The following THRB variants were observed in gnomAD, a reference collection of about 807,000 sequenced individuals.
THRB encodes thyroid hormone receptor beta, also known as nuclear receptor subfamily 1 group A member 2.
Under a neutral mutation model 47.8 loss-of-function variants are expected in THRB, and 12 were observed. The observed-to-expected ratio is 0.25, with a 90% CI of 0.16 to 0.41. THRB has a LOEUF of 0.41. THRB is among the 10% of genes least tolerant of loss of function. The probability of loss-of-function intolerance (pLI) is 1.00; values close to 1 mark genes in which losing one functional copy is unlikely to be tolerated. For synonymous variants in THRB, 218 were observed against 212.2 expected (o/e 1.03, Z -0.24); for missense variants, 348 against 589.2 (o/e 0.59, Z 4.24).
intron 1 of THRB, among the ~76,000 whole-genome samples, chr3:24,385,728 T>C (rs1489005552): frequency 6.6e-6 from 1 of 152,160 alleles, no homozygotes; most frequent in Non-Finnish European, 1.5e-5. Context: ...CAACTGGAAC[T>C]ACCTGAGTTC....
chr3:24,131,023 G>T (rs572072691), intron 9 of THRB, among the ~76,000 whole-genome samples: 1 of 152,280 alleles, frequency 6.6e-6, no homozygotes, highest in South Asian at 2.1e-4. Flanking sequence ...TGCTGGTAAC[G>T]ATCTGCTTCT....
At chr3:24,417,224 C>T (rs2068830595) in intron 1 of THRB, among the ~76,000 whole-genome samples, 1 of 151,668 alleles carries the variant, frequency 6.6e-6, no homozygotes. Flanking sequence ...AGAGTGAATT[C>T]ATTAAATACA....
chr3:24,357,828 A>G (rs1346845795), intron 1 of THRB, among the ~76,000 whole-genome samples: 3 of 152,142 alleles, frequency 2.0e-5, no homozygotes, highest in Non-Finnish European at 4.4e-5. Context: ...GTATTTTAAC[A>G]ATGTGCGTCT....
rs1462338369 is a variant in THRB at position 24,121,432 on chromosome 3, A to G, written c.*1452T>C. 4 of 152,774 alleles carry G rather than the reference A, an allele frequency of 2.6e-5. No individual in the cohort carries two copies. Among genetic ancestry groups the G allele is most frequent in the Middle Eastern group, 3.4e-3 (1 of 294 alleles). The allele number at this position is 152,774 out of a possible 1,614,324, so 9.5% of individuals were successfully genotyped here. A position where few individuals can be genotyped will look rare whatever the true frequency, so the allele number is the denominator to read the frequency against. ...AAGGCAGTAAAAGGTAGGCAAAGGA[A>G]TAGTTTATATCTACTATGCCAGTGG... is the stretch of plus-strand genomic sequence containing the variant. On this transcript the variant is annotated 3_prime_UTR_variant, in exon 11 of 11. Transcript: ENST00000646209.
chr3:24,211,190 T>C (rs2045984936), intron 4 of THRB, among the ~76,000 whole-genome samples: 2 of 126,424 alleles, frequency 1.6e-5, no homozygotes, highest in Admixed American at 7.7e-5. Flanking sequence ...ACAGCAAGAC[T>C]CCATCTCAAA....
intron 2 of THRB, among the ~76,000 whole-genome samples, chr3:24,316,867 C>T (rs184878125): frequency 2.7e-4 from 41 of 152,320 alleles, no homozygotes; most frequent in African/African-American, 9.9e-4. Flanking sequence ...CTTATCACAA[C>T]TCAGAACTGC....
At chr3:24,202,525 C>T (rs2044717046) in intron 4 of THRB, among the ~76,000 whole-genome samples, 1 of 152,066 alleles carries the variant, frequency 6.6e-6, no homozygotes, top group Admixed American at 6.6e-5. Flanking sequence ...TCCAAACGGC[C>T]AAACTTAAAA....
At chr3:24,408,108 C>T (rs2067980038) in intron 1 of THRB, among the ~76,000 whole-genome samples, 1 of 151,816 alleles carries the variant, frequency 6.6e-6, no homozygotes, top group Admixed American at 6.6e-5. Context: ...TTTGCTAATA[C>T]TATTTTTTGA....
intron 1 of THRB, among the ~76,000 whole-genome samples, chr3:24,469,303 A>C (rs9852634): frequency 0.52 from 79,123 of 152,022 alleles, 20,839 homozygotes; most frequent in African/African-American, 0.61. Flanking sequence ...TAATGAGCTC[A>C]ATACGTTCAT....
intron 8 of THRB, among the ~76,000 whole-genome samples, chr3:24,136,398 A>G (rs1280939290): frequency 6.6e-6 from 1 of 152,192 alleles, no homozygotes; most frequent in African/African-American, 2.4e-5. Context: ...CTGTTTGTCT[A>G]TATCCATGAA....
chr3:24,184,292 G>A (rs1468444711), intron 5 of THRB, among the ~76,000 whole-genome samples: 5 of 152,186 alleles, frequency 3.3e-5, no homozygotes, highest in Non-Finnish European at 7.4e-5. Context: ...CAAAGAACAT[G>A]TTTGAACAGA....
At chr3:24,402,392 G>A (rs912944339) in intron 1 of THRB, among the ~76,000 whole-genome samples, 1 of 151,824 alleles carries the variant, frequency 6.6e-6, no homozygotes, top group Non-Finnish European at 1.5e-5. Context: ...GCTCTCTAAT[G>A]CATCTGTGCA....
intron 4 of THRB, among the ~76,000 whole-genome samples, chr3:24,219,941 T>TA (rs986778520): frequency 1.4e-4 from 22 of 152,216 alleles, no homozygotes; most frequent in African/African-American, 4.3e-4. Flanking sequence ...CTTGAGGAGT[T>TA]AAAAAAACAA....
Position 24,258,832 on chromosome 3 carries a change from G to A in THRB, c.-42-29831C>T, listed in dbSNP as rs140256893. On this transcript the variant is annotated intron_variant, in intron 3 of 10. Transcript: ENST00000646209. ...AGAACTAGAACGAGGTTACCAGCAA[G>A]TAGCAAAACCAGAATTCAAACCAGG... Among the ~76,000 whole-genome samples, 210 of 152,298 alleles carry A rather than the reference G, an allele frequency of 1.4e-3. 2 individuals carry two copies. Among genetic ancestry groups the A allele is most frequent in the African/African-American group, 4.7e-3 (197 of 41,564 alleles).
chr3:24,393,674 G>A (rs2066744663), intron 1 of THRB, among the ~76,000 whole-genome samples: 1 of 152,110 alleles, frequency 6.6e-6, no homozygotes, highest in South Asian at 2.1e-4. Flanking sequence ...GTACTTCACT[G>A]AAATGCTGAC....
At chr3:24,226,731 G>C (rs888246269) in intron 4 of THRB, among the ~76,000 whole-genome samples, 2 of 152,168 alleles carry the variant, frequency 1.3e-5, no homozygotes, top group Non-Finnish European at 2.9e-5. Flanking sequence ...GAAGAGAACT[G>C]CCTGGACCAC....
At position 24,269,443 on chromosome 3, in the gene THRB, T is replaced by A. The variant is rs532171113; in HGVS notation, c.-43+27783A>T. On this transcript the variant is annotated intron_variant, in intron 3 of 10. Transcript: ENST00000646209. The stretch of plus-strand genomic sequence containing the variant: ...CACACACACACACACACACACACAC[T>A]TAAGTTATCTTCGCTGTGTTGTCCA... 7.2e-4 allele frequency among the ~76,000 whole-genome samples: 76 copies of A among 105,604 alleles called. 1 individual carries two copies. Among genetic ancestry groups the A allele is most frequent in the African/African-American group, 2.9e-3 (72 of 24,630 alleles). The allele number at this position is 105,604 out of a possible 152,430, so 69.3% of individuals were successfully genotyped here. A position where few individuals can be genotyped will look rare whatever the true frequency, so the allele number is the denominator to read the frequency against.
chr3:24,380,156 G>A (rs1329729414), intron 1 of THRB, among the ~76,000 whole-genome samples: 1 of 147,800 alleles, frequency 6.8e-6, no homozygotes, highest in Non-Finnish European at 1.5e-5. Context: ...CACACTAGAT[G>A]TATGTTTACC....
rs543435903 is a variant in THRB, at chr3:24,423,560, C to G, written c.-261+71092G>C. Among the ~76,000 whole-genome samples, 4 of 151,956 alleles carry G rather than the reference C, an allele frequency of 2.6e-5. No individual in the cohort carries two copies. In the East Asian group the frequency reaches 7.8e-4, roughly 30 times the overall value. On this transcript the variant is annotated intron_variant, in intron 1 of 10. Transcript: ENST00000646209. ...GCAACTTATTCAATGCCCTTCAACACTCATTCTTGACATACATGTGATGTT... is the reference window on the plus strand; with the variant it reads ...GCAACTTATTCAATGCCCTTCAACAGTCATTCTTGACATACATGTGATGTT...
Sources: allele counts gnomAD v4.1 joint callset (sites outside exome capture counted in the v4.1 genomes callset), GRCh38; gene constraint gnomAD v4.1.1; transcripts MANE v1.5; gene names NCBI Gene and HGNC (gene_info 2026-07-23, HGNC 2026-07-21).